The following HS3ST5 variants were observed in gnomAD, a reference collection of about 807,000 sequenced individuals.
HS3ST5 encodes heparan sulfate-glucosamine 3-sulfotransferase 5.
In HS3ST5, 10 loss-of-function variants were observed where a neutral mutation model predicts 25.4. The ratio of observed to expected loss-of-function variants is 0.39; its 90% CI spans 0.24 to 0.67. The LOEUF (loss-of-function observed/expected upper bound fraction) is 0.67, where lower values mean the gene tolerates loss of function less well. Among genes scored for constraint, HS3ST5 ranks in the 30% least tolerant of loss-of-function variants. The pLI, the probability that HS3ST5 is intolerant of heterozygous loss-of-function variation, is 0.44. For synonymous variants in HS3ST5, 170 were observed against 162.4 expected, an observed-to-expected ratio of 1.05 and a Z score of -0.36; for missense variants, 324 against 420.7, an observed-to-expected ratio of 0.77 and a Z score of 2.01.
chr6:114,233,336 C>T (rs2492892), intron 1 of HS3ST5, among the ~76,000 whole-genome samples: 123,270 of 152,068 alleles, frequency 0.81, 50,003 homozygotes, highest in South Asian at 0.85. Flanking sequence ...TTTATCAATA[C>T]TAATAATTCA....
At chr6:114,322,173 C>A (rs1423758264) in intron 1 of HS3ST5, among the ~76,000 whole-genome samples, 2 of 152,086 alleles carry the variant, frequency 1.3e-5, no homozygotes, top group Non-Finnish European at 2.9e-5. Context: ...TACATGCCTG[C>A]AAATGTATTT....
chr6:114,068,387 A>T (rs1773593129), intron 3 of HS3ST5, among the ~76,000 whole-genome samples: 1 of 152,246 alleles, frequency 6.6e-6, no homozygotes, highest in South Asian at 2.1e-4. Flanking sequence ...ACAATATCAT[A>T]GCAGCTCTGA....
intron 3 of HS3ST5, chr6:114,167,764 G>T (rs1299818899): frequency 6.6e-6 from 1 of 152,174 alleles, no homozygotes; most frequent in Non-Finnish European, 1.5e-5. Flanking sequence ...TGCACATATG[G>T]ATAAAAAGCA....
At chr6:114,206,108 A>T (rs912720793) in intron 2 of HS3ST5, among the ~76,000 whole-genome samples, 2 of 152,162 alleles carry the variant, frequency 1.3e-5, no homozygotes, top group Non-Finnish European at 2.9e-5. Flanking sequence ...AGACGAAAAG[A>T]CACCCTTATC....
At chr6:114,237,940 G>A (rs1440264940) in intron 1 of HS3ST5, among the ~76,000 whole-genome samples, 1 of 152,134 alleles carries the variant, frequency 6.6e-6, no homozygotes, top group Admixed American at 6.5e-5. Flanking sequence ...AAGCAATTTT[G>A]TATCTTCTCA....
At chr6:114,325,253 C>A (rs141720780) in intron 1 of HS3ST5, among the ~76,000 whole-genome samples, 13 of 152,154 alleles carry the variant, frequency 8.5e-5, no homozygotes, top group Middle Eastern at 3.4e-3. Context: ...TACTCAGTCA[C>A]AATTGATGAA....
intron 1 of HS3ST5, among the ~76,000 whole-genome samples, chr6:114,330,582 AT>A (rs1776353790): frequency 6.6e-6 from 1 of 152,138 alleles, no homozygotes; most frequent in Non-Finnish European, 1.5e-5. Flanking sequence ...CATGGACCCT[AT>A]TTCCTCACAT....
At chr6:114,091,067 C>T (rs1775093755) in intron 3 of HS3ST5, among the ~76,000 whole-genome samples, 1 of 152,152 alleles carries the variant, frequency 6.6e-6, no homozygotes, top group South Asian at 2.1e-4. Flanking sequence ...AATTATAACA[C>T]TCCTTTCTAT....
chr6:114,262,323 T>G (rs1197690969), intron 1 of HS3ST5, among the ~76,000 whole-genome samples: 1 of 152,172 alleles, frequency 6.6e-6, no homozygotes, highest in Admixed American at 6.5e-5. Context: ...CGAGGAGGGC[T>G]GATCACAAGT....
intron 3 of HS3ST5, among the ~76,000 whole-genome samples, chr6:114,079,925 G>A (rs1235054923): frequency 2.0e-5 from 3 of 151,982 alleles, no homozygotes; most frequent in East Asian, 1.9e-4. Flanking sequence ...ACAGGCATGT[G>A]CCACCATGCC....
chr6:114,234,994 G>A (rs140057014), intron 1 of HS3ST5, among the ~76,000 whole-genome samples: 271 of 152,146 alleles, frequency 1.8e-3, no homozygotes, highest in African/African-American at 6.3e-3. Context: ...GTGGTGGCAC[G>A]CACCTGTAGT....
chr6:114,085,933 TG>T (rs1774781210), intron 3 of HS3ST5, among the ~76,000 whole-genome samples: 1 of 71,024 alleles, frequency 1.4e-5, no homozygotes, highest in African/African-American at 5.3e-5. Context: ...ATAAATTCAT[TG>T]CCCCCCCCCC....
intron 1 of HS3ST5, among the ~76,000 whole-genome samples, chr6:114,297,431 G>A (rs944241789): frequency 9.2e-5 from 14 of 152,152 alleles, no homozygotes; most frequent in African/African-American, 3.4e-4. Context: ...CACCATGAGT[G>A]ACAGGAAGAG....
At chr6:114,203,140 G>A (rs1169090396) in intron 2 of HS3ST5, among the ~76,000 whole-genome samples, 2 of 152,154 alleles carry the variant, frequency 1.3e-5, no homozygotes, top group African/African-American at 2.4e-5. Flanking sequence ...AAAGATGTAG[G>A]GGCCAAGGGA....
At chr6:114,275,917 G>A (rs1773831559) in intron 1 of HS3ST5, among the ~76,000 whole-genome samples, 1 of 151,952 alleles carries the variant, frequency 6.6e-6, no homozygotes, top group East Asian at 1.9e-4. Context: ...ATAGGAAAAA[G>A]TCCTCGTAGT....
chr6:114,258,853 T>C (rs1773044861), intron 1 of HS3ST5, among the ~76,000 whole-genome samples: 1 of 152,090 alleles, frequency 6.6e-6, no homozygotes, highest in Non-Finnish European at 1.5e-5. Context: ...AATTGCTAGC[T>C]CCAGGTTATT....
chr6:114,211,804 T>C (rs947278488), intron 2 of HS3ST5, among the ~76,000 whole-genome samples: 2 of 152,200 alleles, frequency 1.3e-5, no homozygotes, highest in African/African-American at 4.8e-5. Context: ...GAATTCAAAA[T>C]AGACTCTGAA....
At chr6:114,284,245 C>A (rs747062717) in intron 1 of HS3ST5, among the ~76,000 whole-genome samples, 8 of 152,042 alleles carry the variant, frequency 5.3e-5, no homozygotes, top group Non-Finnish European at 1.0e-4. Flanking sequence ...CATTAAAAAT[C>A]CATTCTTCAT....
intron 3 of HS3ST5, among the ~76,000 whole-genome samples, chr6:114,077,170 C>G (rs17075858): frequency 0.12 from 18,593 of 152,136 alleles, 1,490 homozygotes; most frequent in East Asian, 0.27. Flanking sequence ...TCCTCTGGCT[C>G]TGTCTGCAGG....
Sources: allele counts gnomAD v4.1 joint callset (sites outside exome capture counted in the v4.1 genomes callset), GRCh38; gene constraint gnomAD v4.1.1; transcripts MANE v1.5; gene names NCBI Gene and HGNC (gene_info 2026-07-23, HGNC 2026-07-21).